The following DPYS variants were observed in gnomAD, a reference collection of about 807,000 sequenced individuals.
DPYS encodes the protein dihydropyrimidine amidohydrolase.
A neutral mutation model predicts 50.3 loss-of-function variants in DPYS; 39 were observed. The ratio of observed to expected loss-of-function variants is 0.78; its 90% CI spans 0.60 to 1.01. The LOEUF (loss-of-function observed/expected upper bound fraction) is 1.01. Ranked by LOEUF, DPYS falls within the 50% of genes least tolerant of loss-of-function variation. DPYS has a pLI of 0.00. For synonymous variants in DPYS, 245 were observed against 250.7 expected, an observed-to-expected ratio of 0.98 and a Z score of 0.22; for missense variants, 659 against 680.9, an observed-to-expected ratio of 0.97 and a Z score of 0.36.
In DPYS at chr8:104,424,275, T is replaced by C. The variant is rs1209929333; in HGVS notation, c.1207A>G (p.Ile403Val). 2 of 1,614,048 alleles carry C rather than the reference T, an allele frequency of 1.2e-6. No individual in the cohort carries two copies. The highest frequency in any genetic ancestry group is 2.7e-5 in the African/African-American group (2 of 74,938). ...GRIAVGSDADIVIWDPKGTRT... is the reference protein window; with the variant it reads ...GRIAVGSDADVVIWDPKGTRT... Reference sequence around the variant, plus strand: ...GTGCCTTTTGGGTCCCAAATAACAATGTCAGCATCTGATCCTACAGCTATT... The same window carrying C: ...GTGCCTTTTGGGTCCCAAATAACAACGTCAGCATCTGATCCTACAGCTATT... Residue 403 changes from isoleucine to valine, a missense_variant, in exon 7 of 10, where the codon ATT becomes GTT. Transcript: ENST00000351513.
At chr8:104,404,921 C>T (rs552634441) in intron 7 of DPYS, among the ~76,000 whole-genome samples, 1 of 152,256 alleles carries the variant, frequency 6.6e-6, no homozygotes, top group African/African-American at 2.4e-5. Flanking sequence ...CTCTGAATAT[C>T]TCTAGTGGCA....
intron 7 of DPYS, among the ~76,000 whole-genome samples, chr8:104,393,527 A>G (rs1811472293): frequency 1.3e-5 from 2 of 152,314 alleles, no homozygotes; most frequent in South Asian, 4.1e-4. Context: ...GTATGTATGG[A>G]ATTTCTTTCA....
chr8:104,424,469 T>G (rs1376453148), intron 6 of DPYS, 80 bp from the exon 7 acceptor site: 17 of 1,467,386 alleles, frequency 1.2e-5, no homozygotes, highest in Non-Finnish European at 1.6e-5. Flanking sequence ...GACTTGCATC[T>G]CTTAAACAAA....
Position 104,381,310 on chromosome 8 carries a change from C to G in DPYS, c.1448G>C (p.Cys483Ser). 6.2e-7 allele frequency: 1 copy of G among 1,613,930 alleles called. No homozygotes were observed. Among genetic ancestry groups the G allele is most frequent in the Non-Finnish European group, 8.5e-7 (1 of 1,179,844 alleles). The change falls in exon 9 of 10, where the codon TGC becomes TCC. Residue 483 changes from cysteine (C) to serine (S), a missense_variant. By Grantham distance (112) the Cys-to-Ser change is moderately radical (BLOSUM62 -1). Coordinates refer to ENST00000351513, the MANE Select transcript of DPYS (RefSeq NM_001385.3). ...YKRIKQRDRT[C>S]TPTPVERAPY... is the part of the protein sequence containing the mutation. The stretch of plus-strand genomic sequence containing the variant: ...TGCACGCTCCACAGGGGTAGGTGTG[C>G]AAGTCTGAAAGAGAACATTTCATTT...
At chr8:104,380,336 A>G (rs948301678) in intron 9 of DPYS, among the ~76,000 whole-genome samples, 21 of 152,214 alleles carry the variant, frequency 1.4e-4, no homozygotes, top group African/African-American at 5.1e-4. Context: ...CATTAGGTCA[A>G]CCTCTGGGGT....
intron 7 of DPYS, among the ~76,000 whole-genome samples, chr8:104,414,211 T>C (rs1812289987): frequency 1.3e-5 from 2 of 152,194 alleles, no homozygotes; most frequent in South Asian, 4.1e-4. Context: ...TCCCTGAAAC[T>C]AGCAGCAATC....
chr8:104,440,146 G>A (rs1334438796), intron 4 of DPYS, among the ~76,000 whole-genome samples: 1 of 152,034 alleles, frequency 6.6e-6, no homozygotes, highest in Non-Finnish European at 1.5e-5. Flanking sequence ...CTATGTGCCA[G>A]GCACATATTA....
At chr8:104,411,816 T>C (rs948411870) in intron 7 of DPYS, 6 of 152,082 alleles carry the variant, frequency 3.9e-5, no homozygotes, top group Non-Finnish European at 8.8e-5. Context: ...AGGCCCTTCC[T>C]TGCCCAGACA....
intron 4 of DPYS, among the ~76,000 whole-genome samples, chr8:104,443,280 T>C (rs1383570193): frequency 1.3e-5 from 2 of 152,196 alleles, no homozygotes; most frequent in Admixed American, 6.5e-5. Flanking sequence ...CCAGTGCTTA[T>C]CAAAAATAGG....
intron 1 of DPYS, among the ~76,000 whole-genome samples, chr8:104,464,976 A>C (rs576518654): frequency 6.6e-6 from 1 of 152,352 alleles, no homozygotes; most frequent in South Asian, 2.1e-4. Flanking sequence ...GTCCTACAAA[A>C]GACTTTATTG....
At chr8:104,440,410 G>A (rs1473639271) in intron 4 of DPYS, among the ~76,000 whole-genome samples, 1 of 152,170 alleles carries the variant, frequency 6.6e-6, no homozygotes, top group East Asian at 1.9e-4. Context: ...CCAAGGCTCT[G>A]CATGTCTAAG....
chr8:104,459,461 T>C (rs566967857), intron 1 of DPYS, among the ~76,000 whole-genome samples: 108 of 152,342 alleles, frequency 7.1e-4, no homozygotes, highest in African/African-American at 2.5e-3. Flanking sequence ...CCAGCCACAA[T>C]GCCTGGCACT....
At chr8:104,444,523 G>T in intron 3 of DPYS, 86 bp from the exon 4 acceptor site, 1 of 1,479,218 alleles carries the variant, frequency 6.8e-7, no homozygotes, top group Admixed American at 1.9e-5. Flanking sequence ...TAAATGCAAT[G>T]CCAGGCTTTT....
At position 104,408,965 on chromosome 8, in the gene DPYS, C is replaced by A. The variant is rs1007666451; in HGVS notation, c.1235+15282G>T. Among the ~76,000 whole-genome samples the A allele has an allele frequency of 3.3e-5, 5 of 151,886 alleles. No individual in the cohort carries two copies. The East Asian group carries it at 7.9e-4, about 24-fold the overall frequency. Reference sequence around the variant, plus strand: ...GGTAGCTCGGATTACAGGCGCCGGCCACCACTCTCAGCTAATTTTTGTATT... The same window carrying A: ...GGTAGCTCGGATTACAGGCGCCGGCAACCACTCTCAGCTAATTTTTGTATT... On this transcript the variant is annotated intron_variant, in intron 7 of 9. Transcript: ENST00000351513.
intron 1 of DPYS, among the ~76,000 whole-genome samples, chr8:104,456,047 C>G (rs1813911772): frequency 6.6e-6 from 1 of 151,970 alleles, no homozygotes; most frequent in South Asian, 2.1e-4. Flanking sequence ...TGTACTGTAC[C>G]TTTTCTATGT....
In DPYS at chr8:104,444,363, C is replaced by A. The variant is rs376808534; in HGVS notation, c.678G>T (p.Glu226Asp). The A allele has an allele frequency of 6.2e-7, 1 of 1,614,136 alleles. No homozygotes were observed. Among genetic ancestry groups the A allele is most frequent in the Non-Finnish European group, 8.5e-7 (1 of 1,180,054 alleles). Reference protein sequence around the residue: ...GHELCRPEAVEAEATLRAITI... With the variant: ...GHELCRPEAVDAEATLRAITI... The stretch of plus-strand genomic sequence containing the variant: ...TGATGGCTCTCAGCGTGGCCTCTGC[C>A]TCCACTGCCTCTGGGCGGCACAGCT... Residue 226 changes from glutamate to aspartate, a missense_variant, in exon 4 of 10, where the codon GAG (glutamate) becomes GAT (aspartate). By Grantham distance (45) the Glu-to-Asp change is conservative. Coordinates refer to ENST00000351513, the MANE Select transcript of DPYS (RefSeq NM_001385.3).
Position 104,454,489 on chromosome 8 carries a change from G to T in DPYS, c.265-3085C>A, listed in dbSNP as rs75330149. 1.8e-3 allele frequency among the ~76,000 whole-genome samples: 275 copies of T among 152,248 alleles called. 5 individuals carry two copies. In the East Asian group the frequency reaches 0.049, roughly 27 times the overall value. The stretch of plus-strand genomic sequence containing the variant: ...GCCATTGTCCTATACACTTTAAATG[G>T]CCGAATTGTATTGTAGGTGGATTCT... On this transcript the variant is annotated intron_variant, in intron 1 of 9. Coordinates refer to ENST00000351513, the MANE Select transcript of DPYS (RefSeq NM_001385.3).
Position 104,466,822 on chromosome 8 carries a change from C to T in DPYS, c.99G>A (p.Arg33=), listed in dbSNP as rs951231748. The change falls in exon 1 of 10, where the codon CGG becomes CGA. Residue 33 remains arginine (R), a synonymous_variant. Coordinates refer to ENST00000351513, the MANE Select transcript of DPYS (RefSeq NM_001385.3). ...ADVLVEDGVV[R]ALGHDLLPPG... ...GAGGCAGCAGGTCGTGCCCGAGTGC[C>T]CGCACCACGCCGTCCTCCACCAGCA... 8.5e-6 allele frequency: 13 copies of T among 1,533,456 alleles called. No homozygotes were observed. The African/African-American group carries it at 1.5e-4, about 18-fold the overall frequency. The allele number at this position is 1,533,456 out of a possible 1,614,324, so 95.0% of individuals were successfully genotyped here. A position where few individuals can be genotyped will look rare whatever the true frequency, so the allele number is the denominator to read the frequency against.
intron 2 of DPYS, among the ~76,000 whole-genome samples, chr8:104,450,145 A>AGAAG (rs201375234): frequency 0.027 from 1,776 of 65,424 alleles, 38 homozygotes; most frequent in African/African-American, 0.085. Flanking sequence ...AAGAAAAGAA[A>AGAAG]GAAGGAAGGG....
Sources: allele counts gnomAD v4.1 joint callset (sites outside exome capture counted in the v4.1 genomes callset), GRCh38; gene constraint gnomAD v4.1.1; transcripts MANE v1.5; gene names NCBI Gene and HGNC (gene_info 2026-07-23, HGNC 2026-07-21).